Variants in NUDT6 observed in about 807,000 individuals in gnomAD.
NUDT6 encodes the protein FAD diphosphatase NUDT6.
In NUDT6, 24 loss-of-function variants were observed where a neutral mutation model predicts 36.8. The observed-to-expected ratio is 0.65, with a 90% CI of 0.47 to 0.92. The LOEUF is 0.92. Among genes scored for constraint, NUDT6 ranks in the 40% least tolerant of loss-of-function variants. The probability of loss-of-function intolerance (pLI) is 0.00; values close to 1 mark genes in which losing one functional copy is unlikely to be tolerated. For synonymous variants in NUDT6, 163 were observed against 157.0 expected (o/e 1.04, Z -0.29); for missense variants, 388 against 392.8 (o/e 0.99, Z 0.10).
At chr4:122,920,994 T>G (rs531108192) in intron 1 of NUDT6, 1 of 152,234 alleles carries the variant, frequency 6.6e-6, no homozygotes, top group African/African-American at 2.4e-5. Context: ...TGAATTTGCA[T>G]GCTATGCCTT....
intron 2 of NUDT6, chr4:122,913,381 C>G (rs1252004749): frequency 6.6e-6 from 1 of 152,096 alleles, no homozygotes; most frequent in Non-Finnish European, 1.5e-5. Flanking sequence ...GAGCTCTGCC[C>G]TCATGATCTA....
intron 3 of NUDT6, among the ~76,000 whole-genome samples, chr4:122,898,934 G>A (rs1314762862): frequency 6.6e-6 from 1 of 151,956 alleles, no homozygotes; most frequent in Non-Finnish European, 1.5e-5. Flanking sequence ...AGCCTGGAGT[G>A]CAGTGGCACC....
chr4:122,918,206 TA>T (rs1236535046), intron 1 of NUDT6: 2 of 153,202 alleles, frequency 1.3e-5, no homozygotes, highest in Non-Finnish European at 2.9e-5. Flanking sequence ...ATTTTGAAAA[TA>T]AAAAATATGA....
At position 122,917,624 on chromosome 4, in the gene NUDT6, G is replaced by C. The variant is rs754697715; in HGVS notation, c.319C>G (p.Pro107Ala). 6.2e-6 allele frequency: 10 copies of C among 1,614,132 alleles called. No homozygotes were observed. Among genetic ancestry groups the C allele is most frequent in the Admixed American group, 3.3e-5 (2 of 60,016 alleles). ...AAGCAGAAGCCCAGGGAAGCAGCAG[G>C]GGCAATAAATCGGCTTTGGAGGATG... ...IPILQSRFIA[P>A]AASLGFCFHH... Residue 107 changes from proline to alanine, a missense_variant, in exon 2 of 5, where the codon CCT becomes GCT. By Grantham distance (27) the Pro-to-Ala change is conservative. Transcript: ENST00000304430.
chr4:122,921,189 G>T lies in NUDT6; in HGVS notation c.238+1146C>A, dbSNP rs145656069. 406 of 152,294 alleles carry T rather than the reference G, an allele frequency of 2.7e-3. 4 individuals carry two copies. Among genetic ancestry groups the T allele is most frequent in the African/African-American group, 9.4e-3 (391 of 41,554 alleles). The allele number at this position is 152,294 out of a possible 1,614,324, so 9.4% of individuals were successfully genotyped here. On this transcript the variant is annotated intron_variant, in intron 1 of 4. Coordinates refer to ENST00000304430, the MANE Select transcript of NUDT6 (RefSeq NM_007083.5). ...CCACCGTCCCTGGTTAATCATAAAA[G>T]AAGCGTTATTCTAAAAAACTCCAGT...
At position 122,897,697 on chromosome 4, in the gene NUDT6, A is replaced by C. The variant is rs752337670; in HGVS notation, c.499-19T>G. The C allele has an allele frequency of 3.8e-6, 6 of 1,558,562 alleles. No homozygotes were observed. Among genetic ancestry groups the C allele is most frequent in the Non-Finnish European group, 5.3e-6 (6 of 1,129,602 alleles). On this transcript the variant is annotated intron_variant, in intron 3 of 4. Transcript: ENST00000304430. Reference sequence around the variant, plus strand: ...TTTTCAACTGCAGTATAAAGTCAGAAAATAAAGTTAACATAACTTTCACTA... The same window carrying C: ...TTTTCAACTGCAGTATAAAGTCAGACAATAAAGTTAACATAACTTTCACTA...
intron 4 of NUDT6, chr4:122,893,948 G>C (rs1578485661): frequency 6.6e-6 from 1 of 152,256 alleles, no homozygotes; most frequent in Middle Eastern, 3.4e-3. Context: ...AAAGATTTTT[G>C]TTCCAATACT....
intron 1 of NUDT6, chr4:122,919,386 T>A (rs1241929717): frequency 1.3e-5 from 2 of 152,196 alleles, no homozygotes; most frequent in Admixed American, 6.5e-5. Flanking sequence ...CCAGCTAAGT[T>A]TTGTATTTTT....
At chr4:122,913,328 C>T (rs1035230435) in intron 2 of NUDT6, 3 of 152,170 alleles carry the variant, frequency 2.0e-5, no homozygotes, top group African/African-American at 7.2e-5. Flanking sequence ...GGCAAACAAG[C>T]TCCTGTAGGC....
chr4:122,892,879 G>C lies in NUDT6; in HGVS notation c.900C>G (p.Leu300=). Residue 300 remains leucine (L), a synonymous_variant, in exon 5 of 5, where the codon CTC becomes CTG. Coordinates refer to ENST00000304430, the MANE Select transcript of NUDT6 (RefSeq NM_007083.5). ...PAVYTGLFYK[L]YHKELPENYK... is the part of the protein sequence containing the mutation. ...AATTCTCTGGCAGTTCCTTATGATAGAGTTTATAAAACAGTCCTGTGTAAA... is the reference window on the plus strand; with the variant it reads ...AATTCTCTGGCAGTTCCTTATGATACAGTTTATAAAACAGTCCTGTGTAAA... 6.2e-7 allele frequency: 1 copy of C among 1,611,646 alleles called. No homozygotes were observed. Among genetic ancestry groups the C allele is most frequent in the Non-Finnish European group, 8.5e-7 (1 of 1,178,544 alleles).
At chr4:122,898,850 G>A (rs1168842176) in intron 3 of NUDT6, among the ~76,000 whole-genome samples, 1 of 152,044 alleles carries the variant, frequency 6.6e-6, no homozygotes, top group Non-Finnish European at 1.5e-5. Flanking sequence ...TGCAGTCTTT[G>A]TCTTGACAAG....
chr4:122,895,951 T>C (rs1362497847), intron 4 of NUDT6: 1 of 152,634 alleles, frequency 6.6e-6, no homozygotes, highest in East Asian at 1.9e-4. Flanking sequence ...TATCTTTTGT[T>C]TTATGTTGAG....
upstream of NUDT6, chr4:122,922,896 A>G (rs112145066): frequency 1.3e-3 from 737 of 573,514 alleles, 4 homozygotes; most frequent in African/African-American, 0.011. Flanking sequence ...GGAATTTACA[A>G]TCTAAGTGGC....
intron 3 of NUDT6, among the ~76,000 whole-genome samples, chr4:122,906,975 G>A (rs1188035768): frequency 6.6e-6 from 1 of 152,082 alleles, no homozygotes; most frequent in East Asian, 1.9e-4. Context: ...GTCTAAAACG[G>A]GGAGGAACCC....
At chr4:122,912,533 T>A (rs1265599385) in intron 3 of NUDT6, 35 bp downstream of exon 3, 1 of 1,441,592 alleles carries the variant, frequency 6.9e-7, no homozygotes, top group African/African-American at 1.4e-5. Flanking sequence ...GAAATAAACA[T>A]TTAGGAAGCA....
At chr4:122,914,183 G>A (rs1727786210) in intron 2 of NUDT6, among the ~76,000 whole-genome samples, 1 of 152,022 alleles carries the variant, frequency 6.6e-6, no homozygotes, top group African/African-American at 2.4e-5. Context: ...ATATAGAGAA[G>A]GAATAAATAT....
At chr4:122,907,574 C>T (rs1169868687) in intron 3 of NUDT6, among the ~76,000 whole-genome samples, 2 of 151,744 alleles carry the variant, frequency 1.3e-5, no homozygotes, top group Non-Finnish European at 2.9e-5. Context: ...CCTCAGCTTC[C>T]TGAGTGGCGG....
At chr4:122,912,822 AC>A (rs201932134) in intron 2 of NUDT6, among the ~76,000 whole-genome samples, 199 bp from the exon 3 acceptor site, 1,572 of 152,316 alleles carry the variant, frequency 0.01, 25 homozygotes, top group African/African-American at 0.036. Context: ...ATTTTCATAT[AC>A]ATAATGAGGT....
intron 4 of NUDT6, chr4:122,894,070 A>C (rs1302898578): frequency 6.6e-6 from 1 of 152,216 alleles, no homozygotes; most frequent in Non-Finnish European, 1.5e-5. Context: ...ACATGTCTCA[A>C]TTCCCATGTG....
Sources: gnomAD v4.1 joint callset for allele counts (sites outside exome capture counted in the v4.1 genomes callset) on GRCh38, gnomAD v4.1.1 for gene constraint, MANE v1.5 for transcripts, NCBI Gene and HGNC (gene_info 2026-07-23, HGNC 2026-07-21) for gene names.